The following MAGI2 variants were observed in gnomAD, a reference collection of about 807,000 sequenced individuals.
MAGI2 encodes the protein membrane-associated guanylate kinase, WW and PDZ domain-containing protein 2.
In MAGI2, 35 loss-of-function variants were observed where a neutral mutation model predicts 133.3. The ratio of observed to expected loss-of-function variants is 0.26; its 90% confidence interval spans 0.20 to 0.35. MAGI2 has a LOEUF of 0.35. Ranked by LOEUF, MAGI2 falls within the 10% of genes least tolerant of loss-of-function variation. The pLI is 1.00. For synonymous variants in MAGI2, 729 were observed against 710.6 expected, an observed-to-expected ratio of 1.03 and a Z score of -0.41; for missense variants, 1,636 against 1,863.4, an observed-to-expected ratio of 0.88 and a Z score of 2.25.
At chr7:79,036,974 T>C (rs947778920) in intron 1 of MAGI2, among the ~76,000 whole-genome samples, 3 of 152,220 alleles carry the variant, frequency 2.0e-5, no homozygotes, top group East Asian at 1.9e-4. Context: ...TTCGTTCATG[T>C]AGGGTTTCAC....
At chr7:78,635,729 A>G (rs374297278) in intron 2 of MAGI2, among the ~76,000 whole-genome samples, 4 of 152,196 alleles carry the variant, frequency 2.6e-5, no homozygotes, top group African/African-American at 9.6e-5. Context: ...TATCTCTTAG[A>G]TTCTTGAAGA....
intron 3 of MAGI2, among the ~76,000 whole-genome samples, chr7:78,558,842 T>TG (rs1384164627): frequency 1.3e-5 from 2 of 151,192 alleles, no homozygotes; most frequent in Non-Finnish European, 3.0e-5. Context: ...ACACCGTTTT[T>TG]TTTTTTTTTT....
chr7:78,557,097 A>AAAAAAAAAAAAAAAAAAAAAGAAAG lies in MAGI2; in HGVS notation c.539-35453_539-35452insCTTTCTTTTTTTTTTTTTTTTTTTT, dbSNP rs1554473311. 9.0e-4 allele frequency among the ~76,000 whole-genome samples: 125 copies of AAAAAAAAAAAAAAAAAAAAAGAAAG among 138,912 alleles called. 3 individuals carry two copies. Among genetic ancestry groups the AAAAAAAAAAAAAAAAAAAAAGAAAG allele is most frequent in the African/African-American group, 3.4e-3 (113 of 33,538 alleles). 91.1% of individuals were successfully genotyped at this position (138,912 alleles called of 152,430 possible). ...CAGAGTCTCAAAAAAAAAAAAAAAA[A>AAAAAAAAAAAAAAAAAAAAAGAAAG]AAAGAAAAAGAAAAAAAAAGAATTT... is the stretch of plus-strand genomic sequence containing the variant. On this transcript the variant is annotated intron_variant, in intron 3 of 21. Transcript: ENST00000354212.
At chr7:78,526,386 C>T (rs2362631) in intron 3 of MAGI2, among the ~76,000 whole-genome samples, 7,063 of 152,250 alleles carry the variant, frequency 0.046, 281 homozygotes, top group African/African-American at 0.1. Flanking sequence ...AGAGTACAGG[C>T]TTTTCTAGAG....
intron 2 of MAGI2, among the ~76,000 whole-genome samples, chr7:78,637,104 A>C (rs1326356233): frequency 6.6e-6 from 1 of 152,208 alleles, no homozygotes; most frequent in East Asian, 1.9e-4. Flanking sequence ...ACAACAATCC[A>C]TAAAGCATGC....
chr7:79,064,189 G>C (rs1246663346), intron 1 of MAGI2, among the ~76,000 whole-genome samples: 1 of 151,790 alleles, frequency 6.6e-6, no homozygotes, highest in Non-Finnish European at 1.5e-5. Flanking sequence ...TCTCACTATA[G>C]AAAAAAAATC....
At chr7:79,136,068 G>GGAAA (rs368094018) in intron 1 of MAGI2, among the ~76,000 whole-genome samples, 9,968 of 94,490 alleles carry the variant, frequency 0.11, 670 homozygotes, top group Non-Finnish European at 0.11. Context: ...AAAGAAAGAA[G>GGAAA]GAAAGAAAGA....
In MAGI2 at chr7:78,453,030, C is replaced by T. The variant is rs573610559; in HGVS notation, c.1045+36731G>A. Among the ~76,000 whole-genome samples, 4 of 152,002 alleles carry T rather than the reference C, an allele frequency of 2.6e-5. No homozygotes were observed. In the South Asian group the frequency reaches 8.3e-4, roughly 32 times the overall value. ...CTTGTAATGTATATATCATCATGTT[C>T]ACTGTAAGTTGAATGTTAATAGCCT... is the stretch of plus-strand genomic sequence containing the variant. On this transcript the variant is annotated intron_variant, in intron 6 of 21. Coordinates refer to ENST00000354212, the MANE Select transcript of MAGI2 (RefSeq NM_012301.4).
chr7:79,198,190 G>C (rs10255906), intron 1 of MAGI2, among the ~76,000 whole-genome samples: 25,283 of 151,728 alleles, frequency 0.17, 5,253 homozygotes, highest in African/African-American at 0.48. Context: ...AAAGTTGAGG[G>C]TGCAATGTGC....
At chr7:78,881,557 C>G (rs953193119) in intron 2 of MAGI2, among the ~76,000 whole-genome samples, 4 of 151,906 alleles carry the variant, frequency 2.6e-5, no homozygotes, top group Admixed American at 6.6e-5. Flanking sequence ...TGAACATGTA[C>G]CCTAGAACTT....
At chr7:78,891,859 G>C (rs904056329) in intron 2 of MAGI2, among the ~76,000 whole-genome samples, 1 of 152,154 alleles carries the variant, frequency 6.6e-6, no homozygotes, top group Non-Finnish European at 1.5e-5. Context: ...ATTCAACATA[G>C]TGTTGGAAGT....
At chr7:79,237,210 C>T (rs1456476744) in intron 1 of MAGI2, among the ~76,000 whole-genome samples, 8 of 152,168 alleles carry the variant, frequency 5.3e-5, no homozygotes, top group Non-Finnish European at 8.8e-5. Flanking sequence ...AAGTTTTATA[C>T]ACTTGCCGGG....
chr7:79,117,121 A>G (rs1360192023), intron 1 of MAGI2, among the ~76,000 whole-genome samples: 1 of 152,190 alleles, frequency 6.6e-6, no homozygotes, highest in East Asian at 1.9e-4. Flanking sequence ...TTTAAATCAA[A>G]TAATTTAAAT....
At chr7:78,426,123 G>A (rs1049124843) in intron 6 of MAGI2, among the ~76,000 whole-genome samples, 8 of 151,998 alleles carry the variant, frequency 5.3e-5, no homozygotes, top group African/African-American at 1.9e-4. Flanking sequence ...AATCACAGAA[G>A]AGCAACAGAA....
At chr7:78,070,333 T>C (rs78663736) in intron 21 of MAGI2, among the ~76,000 whole-genome samples, 71,594 of 147,990 alleles carry the variant, frequency 0.48, 18,688 homozygotes, top group East Asian at 0.69. Flanking sequence ...AAGGAAGATA[T>C]GCTCAACCAT....
At chr7:78,072,008 G>A (rs560993909) in intron 21 of MAGI2, among the ~76,000 whole-genome samples, 57 of 152,246 alleles carry the variant, frequency 3.7e-4, no homozygotes, top group African/African-American at 1.3e-3. Flanking sequence ...GAGGAGGCAC[G>A]TCAGCACACC....
At chr7:79,042,048 GA>G (rs1326437073) in intron 1 of MAGI2, among the ~76,000 whole-genome samples, 14 of 151,842 alleles carry the variant, frequency 9.2e-5, no homozygotes, top group African/African-American at 3.4e-4. Flanking sequence ...TTAAGAAAAT[GA>G]AAAAAATAAG....
chr7:78,268,031 G>A (rs530916741), intron 9 of MAGI2, among the ~76,000 whole-genome samples: 4 of 152,194 alleles, frequency 2.6e-5, no homozygotes, highest in Admixed American at 2.0e-4. Context: ...ATGTATCTAC[G>A]TAAATATACA....
chr7:78,524,980 A>T (rs6970459), intron 3 of MAGI2, among the ~76,000 whole-genome samples: 91,556 of 151,702 alleles, frequency 0.6, 27,737 homozygotes, highest in South Asian at 0.66. Flanking sequence ...TTGTCAATTT[A>T]AAATTTCCCT....
Sources: gnomAD v4.1 joint callset for allele counts (sites outside exome capture counted in the v4.1 genomes callset) on GRCh38, gnomAD v4.1.1 for gene constraint, MANE v1.5 for transcripts, NCBI Gene and HGNC (gene_info 2026-07-23, HGNC 2026-07-21) for gene names.